The following NTRK3 variants were observed in gnomAD, a reference collection of about 807,000 sequenced individuals.
NTRK3 encodes the protein neurotrophic receptor tyrosine kinase 3.
In NTRK3, 24 loss-of-function variants were observed where a neutral mutation model predicts 91.7. The observed-to-expected ratio is 0.26, with a 90% confidence interval of 0.19 to 0.37. The LOEUF (loss-of-function observed/expected upper bound fraction) is 0.37, where lower values mean the gene tolerates loss of function less well. Ranked by LOEUF, NTRK3 falls within the 10% of genes least tolerant of loss-of-function variation. The probability of loss-of-function intolerance (pLI) is 1.00; values close to 1 mark genes in which losing one functional copy is unlikely to be tolerated. For synonymous variants in NTRK3, 483 were observed against 404.0 expected (o/e 1.20, Z -2.34); for missense variants, 880 against 1,068.9 (o/e 0.82, Z 2.46).
chr15:88,091,639 TTAG>T (rs1202581219), intron 13 of NTRK3, among the ~76,000 whole-genome samples: 2 of 152,110 alleles, frequency 1.3e-5, no homozygotes, highest in African/African-American at 4.8e-5. Flanking sequence ...CTCACATCAA[TTAG>T]TGATGTCTGT....
intron 14 of NTRK3, among the ~76,000 whole-genome samples, chr15:87,963,016 A>G (rs2072447191): frequency 6.6e-6 from 1 of 152,368 alleles, no homozygotes; most frequent in South Asian, 2.1e-4. Flanking sequence ...CTGAAAAAAG[A>G]TAATGACCTC....
chr15:87,929,203 C>T (rs373069071), exon 17 of NTRK3: 60 of 1,614,028 alleles, frequency 3.7e-5, no homozygotes, highest in South Asian at 6.6e-5. Flanking sequence ...TGTAATAATC[C>T]GTGCTGTAGA....
intron 3 of NTRK3, among the ~76,000 whole-genome samples, chr15:88,230,987 A>G (rs1368825366): frequency 2.0e-5 from 3 of 152,192 alleles, no homozygotes; most frequent in Admixed American, 1.3e-4. Context: ...CCCTTCTTTA[A>G]CAAGCTATTC....
At chr15:88,084,765 T>G (rs906099394) in intron 13 of NTRK3, among the ~76,000 whole-genome samples, 4 of 152,220 alleles carry the variant, frequency 2.6e-5, no homozygotes, top group Non-Finnish European at 4.4e-5. Flanking sequence ...CTCCATTTTC[T>G]TAAACCTCAG....
At chr15:87,917,388 C>G (rs770105359) in intron 17 of NTRK3, among the ~76,000 whole-genome samples, 4 of 152,182 alleles carry the variant, frequency 2.6e-5, no homozygotes, top group Admixed American at 2.6e-4. Flanking sequence ...GATTTTGATG[C>G]TATTCTGCCT....
At chr15:88,044,451 C>T (rs1596947232) in intron 13 of NTRK3, among the ~76,000 whole-genome samples, 2 of 151,546 alleles carry the variant, frequency 1.3e-5, no homozygotes, top group African/African-American at 4.9e-5. Context: ...TTAGTAGAGA[C>T]AGGGTTTCAC....
chr15:88,137,507 G>C (rs1309046692), exon 7 of NTRK3: 6 of 1,614,068 alleles, frequency 3.7e-6, no homozygotes, highest in Non-Finnish European at 5.1e-6. Context: ...GCTCCTGCCA[G>C]AGCTGCATCC....
At chr15:88,147,389 T>C (rs1597597919) in exon 6 of NTRK3, 1 of 1,613,890 alleles carries the variant, frequency 6.2e-7, no homozygotes, top group Non-Finnish European at 8.5e-7. Flanking sequence ...GGTGAGCCGG[T>C]TACTTGACAG....
chr15:88,179,688 G>A (rs1324616799), intron 5 of NTRK3, among the ~76,000 whole-genome samples: 2 of 152,148 alleles, frequency 1.3e-5, no homozygotes, highest in African/African-American at 4.8e-5. Flanking sequence ...AGAGGACTCT[G>A]AGAACAACCC....
intron 13 of NTRK3, among the ~76,000 whole-genome samples, chr15:88,115,237 A>G (rs2051908646): frequency 1.3e-5 from 2 of 152,244 alleles, no homozygotes; most frequent in African/African-American, 2.4e-5. Flanking sequence ...GAAGGCAGCA[A>G]GCAGCACACA....
chr15:88,256,614 A>G, intron 1 of NTRK3, 30 bp downstream of exon 1: 1 of 469,050 alleles, frequency 2.1e-6, no homozygotes, highest in Non-Finnish European at 3.7e-6. Context: ...CCTGCAAAAC[A>G]CACACACTCA....
rs186198423 is a variant in NTRK3, at chr15:88,237,847, C to T, written c.248+18059G>A. On this transcript the variant is annotated intron_variant, in intron 3 of 18. Coordinates refer to ENST00000394480, the Ensembl canonical transcript of NTRK3. This position sits in a 1 kb window ranked among gnomAD's most constrained non-coding sequence, Gnocchi z 4.0. ...AATCTAAAAATGGTGCTTTAAATTTCATCAGGTATGCATTTTTTTGTTTTA... is the reference window on the plus strand; with the variant it reads ...AATCTAAAAATGGTGCTTTAAATTTTATCAGGTATGCATTTTTTTGTTTTA... 6.6e-5 allele frequency among the ~76,000 whole-genome samples: 10 copies of T among 152,242 alleles called. No homozygotes were observed. Among genetic ancestry groups the T allele is most frequent in the Admixed American group, 6.5e-4 (10 of 15,298 alleles).
intron 5 of NTRK3, 140 bp downstream of exon 5, chr15:88,183,278 T>C (rs573380541): frequency 1.4e-5 from 11 of 788,864 alleles, no homozygotes; most frequent in East Asian, 1.2e-4. Context: ...AGAGGCAAAA[T>C]TGGAAGCCCA....
intron 13 of NTRK3, among the ~76,000 whole-genome samples, chr15:88,112,457 G>C (rs537329823): frequency 6.6e-6 from 1 of 152,128 alleles, no homozygotes; most frequent in Admixed American, 6.5e-5. Flanking sequence ...CCCTAGAGTC[G>C]GGATGTGGTT....
At chr15:87,925,621 T>A (rs936516023) in intron 17 of NTRK3, 1 of 208,386 alleles carries the variant, frequency 4.8e-6, no homozygotes, top group Non-Finnish European at 9.8e-6. Context: ...ATTCTCGCGA[T>A]CTGACAAATC....
At chr15:88,160,958 T>A (rs1177173644) in intron 5 of NTRK3, among the ~76,000 whole-genome samples, 1 of 152,224 alleles carries the variant, frequency 6.6e-6, no homozygotes, top group Non-Finnish European at 1.5e-5. Context: ...ATTCTTCATC[T>A]TGACCATGCA....
At chr15:87,981,131 T>C in intron 14 of NTRK3, 1 of 1,543,428 alleles carries the variant, frequency 6.5e-7, no homozygotes, top group Non-Finnish European at 8.8e-7. Flanking sequence ...CCACGAAATA[T>C]ATGGAGGCTT....
intron 13 of NTRK3, among the ~76,000 whole-genome samples, chr15:88,081,344 G>A (rs188661844): frequency 5.9e-5 from 9 of 152,212 alleles, no homozygotes; most frequent in East Asian, 1.9e-4. Context: ...CCCCAAGTGC[G>A]CCCCTGCCAC....
intron 10 of NTRK3, among the ~76,000 whole-genome samples, chr15:88,130,363 T>G (rs2053682649): frequency 6.6e-6 from 1 of 152,180 alleles, no homozygotes; most frequent in Admixed American, 6.5e-5. Flanking sequence ...AATATTACAG[T>G]AATAATTGTT....
Sources: gnomAD v4.1 joint callset for allele counts (sites outside exome capture counted in the v4.1 genomes callset) on GRCh38, gnomAD v4.1.1 for gene constraint, Gnocchi (gnomAD v3.1) non-coding constraint, MANE v1.5 for transcripts, NCBI Gene and HGNC (gene_info 2026-07-23, HGNC 2026-07-21) for gene names.